Variants in PHACTR4 observed in about 807,000 individuals in gnomAD.
PHACTR4 encodes protein phosphatase 1, regulatory subunit 124.
A neutral mutation model predicts 72.7 loss-of-function variants in PHACTR4; 51 were observed. The ratio of observed to expected loss-of-function variants is 0.70; its 90% CI spans 0.56 to 0.89. The LOEUF is 0.89. Among genes scored for constraint, PHACTR4 ranks in the 40% least tolerant of loss-of-function variants. The pLI is 0.00. For synonymous variants in PHACTR4, 255 were observed against 302.5 expected, an observed-to-expected ratio of 0.84 and a Z score of 1.63; for missense variants, 731 against 861.8, an observed-to-expected ratio of 0.85 and a Z score of 1.90.
At chr1:28,465,003 TTTTA>T (rs1417403037) in intron 4 of PHACTR4, among the ~76,000 whole-genome samples, 1 of 152,044 alleles carries the variant, frequency 6.6e-6, no homozygotes, top group Non-Finnish European at 1.5e-5. Context: ...TGCGCCCGGC[TTTTA>T]TTTGTCTTAT....
chr1:28,416,343 C>T (rs145976232), intron 2 of PHACTR4, among the ~76,000 whole-genome samples: 78 of 152,226 alleles, frequency 5.1e-4, no homozygotes, highest in African/African-American at 1.8e-3. Flanking sequence ...TTACATCCTA[C>T]CCACTGCCCA....
intron 2 of PHACTR4, among the ~76,000 whole-genome samples, chr1:28,454,614 A>G (rs1400120748): frequency 6.6e-6 from 1 of 152,128 alleles, no homozygotes; most frequent in African/African-American, 2.4e-5. Flanking sequence ...TTACTGATAG[A>G]GCAAACAGAC....
At chr1:28,472,267 C>G (rs1447560565) in intron 6 of PHACTR4, among the ~76,000 whole-genome samples, 1 of 151,932 alleles carries the variant, frequency 6.6e-6, no homozygotes, top group Non-Finnish European at 1.5e-5. Flanking sequence ...ACTTGGATAC[C>G]AGCTGAGTCC....
chr1:28,438,290 C>T lies in PHACTR4; in HGVS notation c.17-20795C>T, dbSNP rs533554422. 1.4e-5 allele frequency: 22 copies of T among 1,518,614 alleles called. 1 individual carries two copies. Among genetic ancestry groups the T allele is most frequent in the Admixed American group, 1.2e-4 (6 of 48,212 alleles). The allele number at this position is 1,518,614 out of a possible 1,614,324, so 94.1% of individuals were successfully genotyped here. ...TTTGGCAGTGACACTGAAAGAGGAC[C>T]GCATGTCCCCTCTTTATGTGGATTT... On this transcript the variant is annotated intron_variant, in intron 2 of 13. Coordinates refer to ENST00000373839, the MANE Select transcript of PHACTR4 (RefSeq NM_001048183.3).
At chr1:28,487,727 G>GT (rs780028378) in intron 9 of PHACTR4, among the ~76,000 whole-genome samples, 6,943 of 63,244 alleles carry the variant, frequency 0.11, 1,548 homozygotes, top group Non-Finnish European at 0.17. Flanking sequence ...GTTTTTTGTT[G>GT]TTTTTTTTTT....
At chr1:28,447,388 CTTTTTTCT>C (rs1657561641) in intron 2 of PHACTR4, among the ~76,000 whole-genome samples, 1 of 148,346 alleles carries the variant, frequency 6.7e-6, no homozygotes, top group South Asian at 2.1e-4. Flanking sequence ...TTTCCTCTTT[CTTTTTTCT>C]TTTTTTTTTT....
chr1:28,461,433 T>C (rs958784664), intron 4 of PHACTR4, among the ~76,000 whole-genome samples: 2 of 152,086 alleles, frequency 1.3e-5, no homozygotes, highest in East Asian at 3.8e-4. Flanking sequence ...AGAGCAAGAC[T>C]CCTTCTCAAA....
At chr1:28,410,848 C>T (rs1396019340) in intron 2 of PHACTR4, among the ~76,000 whole-genome samples, 1 of 149,776 alleles carries the variant, frequency 6.7e-6, no homozygotes, top group African/African-American at 2.5e-5. Context: ...CTGGGATTAC[C>T]AGCACCTGCC....
chr1:28,490,892 T>G, intron 10 of PHACTR4, 59 bp from the exon 11 acceptor site: 1 of 1,479,646 alleles, frequency 6.8e-7, no homozygotes, highest in Non-Finnish European at 9.4e-7. Context: ...TACTAAAACG[T>G]TTGATATGCA....
intron 1 of PHACTR4, among the ~76,000 whole-genome samples, chr1:28,388,764 C>T (rs767330082): frequency 2.6e-5 from 4 of 152,054 alleles, no homozygotes; most frequent in African/African-American, 4.8e-5. Context: ...ATAGGAGAAT[C>T]GCTTGAACCC....
chr1:28,408,656 G>A (rs960278125), intron 2 of PHACTR4, among the ~76,000 whole-genome samples: 16 of 149,734 alleles, frequency 1.1e-4, no homozygotes, highest in Non-Finnish European at 2.1e-4. Context: ...GTGTGTGTGT[G>A]TATATATATA....
intron 2 of PHACTR4, among the ~76,000 whole-genome samples, chr1:28,417,297 A>T (rs1489052352): frequency 1.3e-5 from 2 of 152,198 alleles, no homozygotes; most frequent in Non-Finnish European, 2.9e-5. Context: ...GATAATACTG[A>T]ACCCCAATAT....
Position 28,370,437 on chromosome 1 carries a change from C to T in PHACTR4, c.-39+612C>T, listed in dbSNP as rs183714851. 5.3e-3 allele frequency among the ~76,000 whole-genome samples: 810 copies of T among 152,176 alleles called. 5 individuals are homozygous for T. Among genetic ancestry groups the T allele is most frequent in the African/African-American group, 0.018 (744 of 41,512 alleles). ...GAAAAGAAGCGACCCCTCTCTCCCACCCTCTACACCCCGGCTCCGGGAAAC... is the reference window on the plus strand; with the variant it reads ...GAAAAGAAGCGACCCCTCTCTCCCATCCTCTACACCCCGGCTCCGGGAAAC... On this transcript the variant is annotated intron_variant, in intron 1 of 13. Coordinates refer to ENST00000373839, the MANE Select transcript of PHACTR4 (RefSeq NM_001048183.3).
chr1:28,481,497 A>G (rs1289391901), intron 9 of PHACTR4: 3 of 148,932 alleles, frequency 2.0e-5, no homozygotes, highest in African/African-American at 7.8e-5. Flanking sequence ...AAAGAAAAAG[A>G]AAAGAAAAGA....
chr1:28,470,654 G>A (rs775087940), intron 6 of PHACTR4, among the ~76,000 whole-genome samples: 2 of 151,792 alleles, frequency 1.3e-5, no homozygotes, highest in South Asian at 2.1e-4. Flanking sequence ...CCGTGACTGC[G>A]CCACTGCACT....
chr1:28,421,245 T>C (rs1001090313), intron 2 of PHACTR4, among the ~76,000 whole-genome samples: 2 of 152,204 alleles, frequency 1.3e-5, no homozygotes, highest in African/African-American at 4.8e-5. Flanking sequence ...CCAGAGCACA[T>C]GGGCATGTGC....
Position 28,500,033 on chromosome 1 carries a change from G to C in PHACTR4, c.*3484G>C, listed in dbSNP as rs1221468322. ...CAGGATTTGATTTCCTGAGCTACTT[G>C]TTCGCCTTCTGTGCGTCACCAAGTA... On this transcript the variant is annotated 3_prime_UTR_variant, in exon 14 of 14. Transcript: ENST00000373839. 1.3e-5 allele frequency: 2 copies of C among 152,054 alleles called. No homozygotes were observed. The highest frequency in any genetic ancestry group is 2.9e-5 in the Non-Finnish European group (2 of 68,024). 9.4% of individuals were successfully genotyped at this position (152,054 alleles called of 1,614,324 possible).
chr1:28,497,686 C>CAAAA lies in PHACTR4; in HGVS notation c.*1153_*1156dup, dbSNP rs569598420. 1.5e-5 allele frequency: 1 copy of CAAAA among 68,562 alleles called. No individual in the cohort carries two copies. The highest frequency in any genetic ancestry group is 4.1e-5 in the African/African-American group (1 of 24,398). 4.2% of individuals were successfully genotyped at this position (68,562 alleles called of 1,614,324 possible). ...AATAAATCCCCTTATTCCTTCCTTG[C>CAAAA]AAAAAAAAAAAAAAAAAAAGCCTTA... is the stretch of plus-strand genomic sequence containing the variant. On this transcript the variant is annotated 3_prime_UTR_variant, in exon 14 of 14. Coordinates refer to ENST00000373839, the MANE Select transcript of PHACTR4 (RefSeq NM_001048183.3).
At chr1:28,446,321 GT>G (rs1013045136) in intron 2 of PHACTR4, among the ~76,000 whole-genome samples, 18 of 152,260 alleles carry the variant, frequency 1.2e-4, no homozygotes, top group African/African-American at 4.3e-4. Context: ...CATTAATAAG[GT>G]TTGGATCTAG....
Sources: allele counts gnomAD v4.1 joint callset (sites outside exome capture counted in the v4.1 genomes callset), GRCh38; gene constraint gnomAD v4.1.1; transcripts MANE v1.5; gene names NCBI Gene and HGNC (gene_info 2026-07-23, HGNC 2026-07-21).